CLMP: variants seen among roughly 807,000 people sequenced by gnomAD.
The protein encoded by CLMP is CXADR-like membrane protein.
A neutral mutation model predicts 45.2 loss-of-function variants in CLMP; 27 were observed. The ratio of observed to expected loss-of-function variants is 0.60; its 90% CI spans 0.44 to 0.82. CLMP has a LOEUF of 0.82. Ranked by LOEUF, CLMP falls within the 40% of genes least tolerant of loss-of-function variation. The pLI, the probability that CLMP is intolerant of heterozygous loss-of-function variation, is 0.00. For synonymous variants in CLMP, 167 were observed against 171.4 expected (o/e 0.97, Z 0.20); for missense variants, 403 against 448.4 (o/e 0.90, Z 0.91).
At chr11:123,112,199 G>A (rs1860648317) in intron 1 of CLMP, among the ~76,000 whole-genome samples, 1 of 152,104 alleles carries the variant, frequency 6.6e-6, no homozygotes, top group Non-Finnish European at 1.5e-5. Context: ...TTTAGTTTTT[G>A]TTCTAGGCCA....
intron 1 of CLMP, among the ~76,000 whole-genome samples, chr11:123,160,173 G>C (rs1861466720): frequency 6.6e-6 from 1 of 151,524 alleles, no homozygotes; most frequent in Admixed American, 6.6e-5. Flanking sequence ...TCAGCTACTT[G>C]GGAGGCTGAA....
intron 1 of CLMP, among the ~76,000 whole-genome samples, chr11:123,179,278 C>G (rs997111241): frequency 2.6e-5 from 4 of 152,224 alleles, no homozygotes; most frequent in Non-Finnish European, 5.9e-5. Flanking sequence ...AAGTATTGAG[C>G]TTCCTGTTGT....
intron 1 of CLMP, among the ~76,000 whole-genome samples, chr11:123,102,080 G>C (rs1205616398): frequency 6.6e-6 from 1 of 151,952 alleles, no homozygotes; most frequent in African/African-American, 2.4e-5. Context: ...GCTACTTGGG[G>C]GGCTGAGGTG....
In CLMP at chr11:123,142,053, C is replaced by A. The variant is rs538397094; in HGVS notation, c.29-44101G>T. ...AGGCTGGAGTACAGTGGTGTGAGCA[C>A]GGCCCACTGGACCCTCGACCTCCCA... is the stretch of plus-strand genomic sequence containing the variant. On this transcript the variant is annotated intron_variant, in intron 1 of 6. Transcript: ENST00000448775. Among the ~76,000 whole-genome samples, 8 of 149,132 alleles carry A rather than the reference C, an allele frequency of 5.4e-5. No homozygotes were observed. The East Asian group carries it at 1.4e-3, about 26-fold the overall frequency.
chr11:123,101,391 G>T (rs1866057993), intron 1 of CLMP, among the ~76,000 whole-genome samples: 1 of 152,236 alleles, frequency 6.6e-6, no homozygotes, highest in Non-Finnish European at 1.5e-5. Context: ...ACAGGCATGA[G>T]CCACCAAACC....
At chr11:123,106,977 C>T (rs1464215700) in intron 1 of CLMP, among the ~76,000 whole-genome samples, 3 of 151,196 alleles carry the variant, frequency 2.0e-5, no homozygotes, top group Non-Finnish European at 4.4e-5. Flanking sequence ...CCGGATTGAG[C>T]CACTGCACTC....
At chr11:123,173,171 T>A (rs181633087) in intron 1 of CLMP, among the ~76,000 whole-genome samples, 1 of 152,254 alleles carries the variant, frequency 6.6e-6, no homozygotes, top group Non-Finnish European at 1.5e-5. Context: ...AGCTCGGTTC[T>A]GGGACAGGAT....
At chr11:123,157,737 A>AG (rs1460948451) in intron 1 of CLMP, among the ~76,000 whole-genome samples, 1 of 151,702 alleles carries the variant, frequency 6.6e-6, no homozygotes, top group East Asian at 1.9e-4. Flanking sequence ...AAAAAAAAAA[A>AG]AAAAAAAAAG....
rs532117424 is a variant in CLMP at position 123,168,785 on chromosome 11, C to T, written c.28+26128G>A. On this transcript the variant is annotated intron_variant, in intron 1 of 6. Coordinates refer to ENST00000448775, the MANE Select transcript of CLMP (RefSeq NM_024769.5). ...AAGTGTATACTTTCTGCTGTTCCTT[C>T]TCTATTTTGCATATTGCATTAGATT... Among the ~76,000 whole-genome samples the T allele has an allele frequency of 7.5e-4, 115 of 152,332 alleles. 1 individual carries two copies. The highest frequency in any genetic ancestry group is 2.7e-3 in the African/African-American group (113 of 41,580).
At chr11:123,073,974 T>C (rs1565374444) in intron 6 of CLMP, among the ~76,000 whole-genome samples, 200 bp from the exon 7 acceptor site, 2 of 152,116 alleles carry the variant, frequency 1.3e-5, no homozygotes, top group African/African-American at 2.4e-5. Context: ...AGCCCACAGG[T>C]CAACTCTATT....
At chr11:123,079,377 T>G (rs1865775481) in intron 5 of CLMP, among the ~76,000 whole-genome samples, 1 of 152,186 alleles carries the variant, frequency 6.6e-6, no homozygotes, top group African/African-American at 2.4e-5. Context: ...AAAAAGGATT[T>G]TTGGGGGCCT....
chr11:123,141,052 T>C (rs1861148877), intron 1 of CLMP, among the ~76,000 whole-genome samples: 2 of 152,290 alleles, frequency 1.3e-5, no homozygotes, highest in Admixed American at 6.5e-5. Flanking sequence ...TCCACCATGA[T>C]TGCAAGCTTC....
intron 5 of CLMP, among the ~76,000 whole-genome samples, chr11:123,080,169 G>T (rs898441796): frequency 6.6e-6 from 1 of 152,156 alleles, no homozygotes; most frequent in Non-Finnish European, 1.5e-5. Context: ...AGAGAGAGAG[G>T]ATCTGAGTGA....
rs536816704 is a variant in CLMP at position 123,125,141 on chromosome 11, G to A, written c.29-27189C>T. ...TTGAACTCCTGAGCTCAGGCAATCCGCCTGCCTCGGCCTCCTACAGTGCTG... is the reference window on the plus strand; with the variant it reads ...TTGAACTCCTGAGCTCAGGCAATCCACCTGCCTCGGCCTCCTACAGTGCTG... On this transcript the variant is annotated intron_variant, in intron 1 of 6. Coordinates refer to ENST00000448775, the MANE Select transcript of CLMP (RefSeq NM_024769.5). 7.2e-5 allele frequency among the ~76,000 whole-genome samples: 11 copies of A among 152,214 alleles called. No homozygotes were observed. In the South Asian group the frequency reaches 1.9e-3, roughly 26 times the overall value.
At chr11:123,136,102 G>C in intron 1 of CLMP, 1 of 615,308 alleles carries the variant, frequency 1.6e-6, no homozygotes, top group South Asian at 1.4e-5. Context: ...CAGTTAATCT[G>C]CACGTAGCCA....
intron 1 of CLMP, among the ~76,000 whole-genome samples, chr11:123,132,767 T>A (rs561558852): frequency 6.6e-6 from 1 of 151,562 alleles, no homozygotes; most frequent in African/African-American, 2.4e-5. Context: ...CCCTGTTTTT[T>A]ATTTTATTTT....
Position 123,073,055 on chromosome 11 carries a change from A to G in CLMP, c.*419T>C, listed in dbSNP as rs144225440. The G allele has an allele frequency of 1.0e-4, 17 of 165,830 alleles. No homozygotes were observed. The East Asian group carries it at 2.8e-3, about 27-fold the overall frequency. 10.3% of individuals were successfully genotyped at this position (165,830 alleles called of 1,614,324 possible). On this transcript the variant is annotated 3_prime_UTR_variant, in exon 7 of 7. Coordinates refer to ENST00000448775, the MANE Select transcript of CLMP (RefSeq NM_024769.5). The stretch of plus-strand genomic sequence containing the variant: ...GACTGTCTGAATAACTAATAATCCA[A>G]TAAGTTTGCAGAAATGCATAGAAAA...
At chr11:123,172,020 AT>A (rs143017859) in intron 1 of CLMP, among the ~76,000 whole-genome samples, 5,161 of 149,664 alleles carry the variant, frequency 0.034, 257 homozygotes, top group African/African-American at 0.11. Context: ...ACAATTCTGT[AT>A]TTTTTTTTTA....
At chr11:123,078,666 A>G (rs11218958) in intron 5 of CLMP, among the ~76,000 whole-genome samples, 2,864 of 115,308 alleles carry the variant, frequency 0.025, 89 homozygotes, top group East Asian at 0.19. Context: ...TTTTTTTGAG[A>G]CAGAGTCCTG....
Sources: gnomAD v4.1 joint callset for allele counts (sites outside exome capture counted in the v4.1 genomes callset) on GRCh38, gnomAD v4.1.1 for gene constraint, MANE v1.5 for transcripts, NCBI Gene and HGNC (gene_info 2026-07-23, HGNC 2026-07-21) for gene names.